Variants in SLC24A1 observed in about 807,000 individuals in gnomAD.
SLC24A1 encodes solute carrier family 24 member 1, also known as sodium/potassium/calcium exchanger 1.
A neutral mutation model predicts 88.1 loss-of-function variants in SLC24A1; 52 were observed. That is an observed-to-expected ratio of 0.59 (90% CI 0.47 to 0.74). SLC24A1 has a LOEUF of 0.74. SLC24A1 is among the 30% of genes least tolerant of loss of function. The probability of loss-of-function intolerance (pLI) is 0.00; values close to 1 mark genes in which losing one functional copy is unlikely to be tolerated. For synonymous variants in SLC24A1, 455 were observed against 498.0 expected (o/e 0.91, Z 1.15); for missense variants, 1,173 against 1,363.3 (o/e 0.86, Z 2.20).
intron 2 of SLC24A1, among the ~76,000 whole-genome samples, chr15:65,613,172 TA>T (rs1450453439): frequency 1.3e-5 from 2 of 152,336 alleles, no homozygotes; most frequent in Non-Finnish European, 2.9e-5. Flanking sequence ...AGGAAATCAA[TA>T]AATAGTTTCC....
At chr15:65,612,580 A>G (rs1327483537) in exon 2 of SLC24A1, 1 of 152,262 alleles carries the variant, frequency 6.6e-6, no homozygotes, top group Non-Finnish European at 1.5e-5. Context: ...CCATGTCAAG[A>G]CCTAGTTATG....
At chr15:65,633,977 G>A (rs2074820180) in intron 2 of SLC24A1, among the ~76,000 whole-genome samples, 1 of 152,162 alleles carries the variant, frequency 6.6e-6, no homozygotes, top group Non-Finnish European at 1.5e-5. Context: ...CAGAGACAAG[G>A]CGAAATGTGA....
chr15:65,635,446 C>CAAAAAAAAAAAAAA (rs56960432), intron 2 of SLC24A1, among the ~76,000 whole-genome samples: 422 of 58,020 alleles, frequency 7.3e-3, no homozygotes, highest in East Asian at 0.031. Context: ...ACTCCGTCTC[C>CAAAAAAAAAAAAAA]AAAAAAAAAA....
chr15:65,634,740 C>CAAAAAAAA (rs5813364), intron 2 of SLC24A1, among the ~76,000 whole-genome samples: 1 of 90,530 alleles, frequency 1.1e-5, no homozygotes, highest in African/African-American at 4.1e-5. Flanking sequence ...TCAAAAGCAC[C>CAAAAAAAA]AAAAAAAAAA....
rs201549936 is a variant in SLC24A1 at position 65,624,127 on chromosome 15, G to A, written c.47G>A (p.Arg16Gln). Residue 16 changes from arginine to glutamine, a missense_variant, in exon 2 of 10, where the codon CGG becomes CAG. Physicochemically the swap from Arg to Gln is conservative, Grantham distance 43 (BLOSUM62 1). Coordinates refer to ENST00000261892, the MANE Select transcript of SLC24A1 (RefSeq NM_004727.3). ...RMGPQERWLL[R>Q]TKRLHWSRLL... ...GGGCCGCAAGAGAGGTGGTTACTCC[G>A]GACAAAGCGGCTTCATTGGAGTCGC... is the stretch of plus-strand genomic sequence containing the variant. 8.9e-5 allele frequency: 143 copies of A among 1,612,516 alleles called. No individual in the cohort carries two copies. Among genetic ancestry groups the A allele is most frequent in the Middle Eastern group, 1.7e-4 (1 of 6,042 alleles).
Position 65,654,248 on chromosome 15 carries a change from C to G in SLC24A1, c.*169C>G. 7.1e-7 allele frequency: 1 copy of G among 1,414,040 alleles called. No individual in the cohort carries two copies. The highest frequency in any genetic ancestry group is 9.2e-7 in the Non-Finnish European group (1 of 1,090,294). 87.6% of individuals were successfully genotyped at this position (1,414,040 alleles called of 1,614,324 possible). On this transcript the variant is annotated 3_prime_UTR_variant, in exon 10 of 10. Transcript: ENST00000261892. ...GACTAAAGTTTGTCCTTGGAAACAC[C>G]TGCAGCTCATTGTGGATTAAGAACC... is the stretch of plus-strand genomic sequence containing the variant.
intron 6 of SLC24A1, among the ~76,000 whole-genome samples, chr15:65,647,424 G>A (rs1384183296): frequency 6.9e-6 from 1 of 144,642 alleles, no homozygotes; most frequent in African/African-American, 2.6e-5. Context: ...ACTGCAGTGA[G>A]CAGAAGTCGC....
In SLC24A1 at chr15:65,624,631, A is replaced by G. The variant is rs749076357; in HGVS notation, c.551A>G (p.Glu184Gly). 1.9e-6 allele frequency: 3 copies of G among 1,593,412 alleles called. No individual in the cohort carries two copies. Among genetic ancestry groups the G allele is most frequent in the Non-Finnish European group, 2.6e-6 (3 of 1,169,976 alleles). Residue 184 changes from glutamate to glycine, a missense_variant, in exon 2 of 10, where the codon GAA becomes GGA. Physicochemically the swap from Glu to Gly is moderately conservative, Grantham distance 98. Transcript: ENST00000261892. Reference protein sequence around the residue: ...MKSYSPTQVREKVKYTPSPRG... With the variant: ...MKSYSPTQVRGKVKYTPSPRG... ...AGCTACAGCCCAACTCAAGTGAGGG[A>G]AAAGGTGAAGTATACTCCTTCCCCA...
intron 4 of SLC24A1, chr15:65,642,865 C>T: frequency 2.0e-6 from 1 of 498,252 alleles, no homozygotes; most frequent in South Asian, 1.7e-5. Flanking sequence ...AGCCTTTGAT[C>T]CACCCAGCTT....
rs1197044984 is a variant in SLC24A1 at position 65,650,093 on chromosome 15, G to T, written c.2233-289G>T. Among the ~76,000 whole-genome samples, 1 of 152,184 alleles carries T rather than the reference G, an allele frequency of 6.6e-6. No homozygotes were observed. Among genetic ancestry groups the T allele is most frequent in the African/African-American group, 2.4e-5 (1 of 41,432 alleles). Reference sequence around the variant, plus strand: ...AAGAGTAAACCTATACATGGGGGTAGAACTTTGATATAAATATGGACTTCA... The same window carrying T: ...AAGAGTAAACCTATACATGGGGGTATAACTTTGATATAAATATGGACTTCA... On this transcript the variant is annotated intron_variant, in intron 6 of 9. Transcript: ENST00000261892. This position sits in a 1 kb window ranked among gnomAD's most constrained non-coding sequence, Gnocchi z 4.1.
chr15:65,638,188 GCC>G lies in SLC24A1; in HGVS notation c.1944+8_1944+9del. 1 of 1,594,056 alleles carries G rather than the reference GCC, an allele frequency of 6.3e-7. No homozygotes were observed. Among genetic ancestry groups the G allele is most frequent in the South Asian group, 1.1e-5 (1 of 88,770 alleles). On this transcript the variant is annotated splice_region_variant and intron_variant, in intron 3 of 9. Transcript: ENST00000261892. Reference sequence around the variant, plus strand: ...GGATAACAAGAAGCTGAAGGTGGGTGCCGTATGGAGTCTGCCCAGTGGGGACA... The same window carrying G: ...GGATAACAAGAAGCTGAAGGTGGGTGGTATGGAGTCTGCCCAGTGGGGACA...
chr15:65,631,868 T>C (rs2074738904), intron 2 of SLC24A1, among the ~76,000 whole-genome samples: 1 of 152,176 alleles, frequency 6.6e-6, no homozygotes, highest in African/African-American at 2.4e-5. Context: ...AGTCTCGCTC[T>C]GTTGCTAGGC....
intron 2 of SLC24A1, among the ~76,000 whole-genome samples, chr15:65,616,173 G>C (rs576362009): frequency 6.6e-6 from 1 of 151,974 alleles, no homozygotes; most frequent in Non-Finnish European, 1.5e-5. Context: ...ATTGTGAATA[G>C]TGCCACAATA....
At chr15:65,657,629 G>T (rs942208434), downstream of SLC24A1, among the ~76,000 whole-genome samples, 2 of 152,190 alleles carry the variant, frequency 1.3e-5, no homozygotes, top group East Asian at 1.9e-4. Flanking sequence ...GGGCAACAGC[G>T]AGACTCCGTC....
intron 4 of SLC24A1, 42 bp from the exon 5 acceptor site, chr15:65,644,385 C>T (rs1390034837): frequency 2.2e-6 from 3 of 1,364,536 alleles, no homozygotes; most frequent in Non-Finnish European, 3.1e-6. Context: ...CAGGGATGAT[C>T]CTACAATTCC....
chr15:65,639,537 G>C (rs144793148), intron 3 of SLC24A1, 58 bp from the exon 4 acceptor site: 1 of 1,069,000 alleles, frequency 9.4e-7, no homozygotes, highest in African/African-American at 1.6e-5. Context: ...TGATGCCCTC[G>C]TGTGGTTCCT....
chr15:65,642,912 A>G (rs1319482959), intron 4 of SLC24A1: 2 of 942,430 alleles, frequency 2.1e-6, no homozygotes. Context: ...GTTTCCTCTC[A>G]GTCCGTCTGT....
chr15:65,631,444 A>G (rs761103447), intron 2 of SLC24A1, among the ~76,000 whole-genome samples: 11 of 152,190 alleles, frequency 7.2e-5, no homozygotes, highest in Non-Finnish European at 1.5e-4. Context: ...AGTGATTGTA[A>G]ATAATAGTGG....
In SLC24A1 at chr15:65,624,450, A is replaced by G. The variant is rs776765801; in HGVS notation, c.370A>G (p.Thr124Ala). Residue 124 changes from threonine (T) to alanine (A), a missense_variant, in exon 2 of 10, where the codon ACA becomes GCA. By Grantham distance (58) the Thr-to-Ala change is moderately conservative (BLOSUM62 0). Transcript: ENST00000261892. The stretch of plus-strand genomic sequence containing the variant: ...TAAAAGAACAGCCAAGATGATCCCA[A>G]CAACAACCAAGAATAATTACAGCCC... ...MPKRTAKMIP[T>A]TTKNNYSPTA... 1 of 1,611,564 alleles carries G rather than the reference A, an allele frequency of 6.2e-7. No homozygotes were observed. The highest frequency in any genetic ancestry group is 8.5e-7 in the Non-Finnish European group (1 of 1,178,726).
Sources: gnomAD v4.1 joint callset for allele counts (sites outside exome capture counted in the v4.1 genomes callset) on GRCh38, gnomAD v4.1.1 for gene constraint, Gnocchi (gnomAD v3.1) non-coding constraint, MANE v1.5 for transcripts, NCBI Gene and HGNC (gene_info 2026-07-23, HGNC 2026-07-21) for gene names.